PDSS2: variants seen among roughly 807,000 people sequenced by gnomAD.
PDSS2 encodes the protein decaprenyl diphosphate synthase subunit 2, also known as all trans-polyprenyl-diphosphate synthase PDSS2.
In PDSS2, 31 loss-of-function variants were observed where a neutral mutation model predicts 44.5. That is an observed-to-expected ratio of 0.70 (90% confidence interval 0.52 to 0.94). The LOEUF is 0.94. PDSS2 is among the 40% of genes least tolerant of loss of function. The probability of loss-of-function intolerance (pLI) is 0.00; values close to 1 mark genes in which losing one functional copy is unlikely to be tolerated. For missense variants in PDSS2, 452 were observed against 482.2 expected (o/e 0.94, Z 0.59); for synonymous variants, 157 against 180.3 (o/e 0.87, Z 1.03).
intron 1 of PDSS2, among the ~76,000 whole-genome samples, chr6:107,449,162 A>G (rs947993141): frequency 1.3e-5 from 2 of 152,152 alleles, no homozygotes; most frequent in Non-Finnish European, 2.9e-5. Flanking sequence ...CCTATTCCTC[A>G]CATTGTCCCT....
At chr6:107,352,688 A>T (rs552603716) in intron 1 of PDSS2, among the ~76,000 whole-genome samples, 1 of 152,214 alleles carries the variant, frequency 6.6e-6, no homozygotes. Flanking sequence ...GTTCATATAG[A>T]GAAGTGGTTC....
chr6:107,376,829 C>A (rs1348790978), intron 1 of PDSS2, among the ~76,000 whole-genome samples: 8 of 152,172 alleles, frequency 5.3e-5, no homozygotes, highest in Non-Finnish European at 7.3e-5. Flanking sequence ...GCATCCCTGT[C>A]TTCCTATGTA....
At chr6:107,381,726 T>TA (rs1211764353) in intron 1 of PDSS2, among the ~76,000 whole-genome samples, 12 of 152,340 alleles carry the variant, frequency 7.9e-5, no homozygotes, top group Admixed American at 7.2e-4. Context: ...ACATATCCTT[T>TA]AATATATTTC....
At chr6:107,326,110 T>C (rs1307665030) in intron 2 of PDSS2, among the ~76,000 whole-genome samples, 1 of 150,984 alleles carries the variant, frequency 6.6e-6, no homozygotes, top group East Asian at 1.9e-4. Flanking sequence ...TTTTCTTTTT[T>C]TTTTTTTTTT....
intron 2 of PDSS2, among the ~76,000 whole-genome samples, chr6:107,291,488 C>A (rs1377726160): frequency 6.7e-6 from 1 of 150,128 alleles, no homozygotes; most frequent in Non-Finnish European, 1.5e-5. Flanking sequence ...GCTGGGATTA[C>A]AGGTGCGCGC....
chr6:107,164,588 C>A (rs1363116505), intron 7 of PDSS2, among the ~76,000 whole-genome samples: 3 of 152,134 alleles, frequency 2.0e-5, no homozygotes, highest in Non-Finnish European at 4.4e-5. Context: ...TGGGTTGGTT[C>A]CAAGTCTTTG....
intron 3 of PDSS2, among the ~76,000 whole-genome samples, chr6:107,255,761 C>T (rs1333912755): frequency 6.6e-6 from 1 of 152,154 alleles, no homozygotes; most frequent in African/African-American, 2.4e-5. Context: ...TGTAATTACA[C>T]ACAAGGTCTT....
chr6:107,255,966 A>G (rs1775005524), intron 3 of PDSS2, among the ~76,000 whole-genome samples: 1 of 152,098 alleles, frequency 6.6e-6, no homozygotes. Context: ...GCTTGTATCA[A>G]TAATGCTGAT....
intron 1 of PDSS2, among the ~76,000 whole-genome samples, chr6:107,449,721 G>A (rs549935561): frequency 2.0e-4 from 30 of 152,036 alleles, no homozygotes; most frequent in Non-Finnish European, 4.0e-4. Context: ...TTATTTTTAG[G>A]AGCCACCATG....
chr6:107,246,531 CT>C (rs1334326299), intron 3 of PDSS2, among the ~76,000 whole-genome samples: 13 of 152,146 alleles, frequency 8.5e-5, no homozygotes, highest in Admixed American at 8.5e-4. Context: ...CAGCTCCATT[CT>C]GATTGAATTA....
At chr6:107,262,958 TA>T (rs1775292437) in intron 3 of PDSS2, among the ~76,000 whole-genome samples, 1 of 151,692 alleles carries the variant, frequency 6.6e-6, no homozygotes, top group South Asian at 2.1e-4. Context: ...TAAAAATAAT[TA>T]AAAAAATAAA....
intron 6 of PDSS2, among the ~76,000 whole-genome samples, chr6:107,199,289 G>A (rs1001600847): frequency 5.3e-5 from 8 of 152,256 alleles, no homozygotes; most frequent in African/African-American, 1.7e-4. Flanking sequence ...AAAGTATTGT[G>A]ATTGACTGAC....
intron 3 of PDSS2, among the ~76,000 whole-genome samples, chr6:107,269,939 A>G (rs1236147549): frequency 6.6e-6 from 1 of 151,740 alleles, no homozygotes; most frequent in Non-Finnish European, 1.5e-5. Flanking sequence ...AGTGCTGGAA[A>G]TACAGGCGTG....
At chr6:107,269,356 G>T (rs1446178344) in intron 3 of PDSS2, among the ~76,000 whole-genome samples, 5 of 151,548 alleles carry the variant, frequency 3.3e-5, no homozygotes, top group African/African-American at 7.3e-5. Context: ...GTGTGTGTGT[G>T]TGTGTGTGTG....
At chr6:107,312,234 G>C (rs1409919522) in intron 2 of PDSS2, among the ~76,000 whole-genome samples, 1 of 152,048 alleles carries the variant, frequency 6.6e-6, no homozygotes, top group Non-Finnish European at 1.5e-5. Context: ...CCCTTCACTG[G>C]TTTGCCATCC....
intron 1 of PDSS2, among the ~76,000 whole-genome samples, chr6:107,404,411 C>G (rs1182765756): frequency 6.6e-6 from 1 of 152,180 alleles, no homozygotes; most frequent in East Asian, 1.9e-4. Flanking sequence ...TTTACAGCAG[C>G]CCCTCCTTCT....
At chr6:107,188,450 G>T (rs982998201) in intron 7 of PDSS2, among the ~76,000 whole-genome samples, 1 of 152,020 alleles carries the variant, frequency 6.6e-6, no homozygotes, top group Non-Finnish European at 1.5e-5. Context: ...TGGACCTCAG[G>T]ATAAGAATGT....
intron 4 of PDSS2, among the ~76,000 whole-genome samples, chr6:107,214,469 T>G (rs1396249473): frequency 6.6e-6 from 1 of 152,184 alleles, no homozygotes; most frequent in Non-Finnish European, 1.5e-5. Flanking sequence ...ACAATTTAAG[T>G]GCTCAGCATT....
At chr6:107,267,307 G>A (rs1248840677) in intron 3 of PDSS2, among the ~76,000 whole-genome samples, 1 of 152,126 alleles carries the variant, frequency 6.6e-6, no homozygotes, top group East Asian at 1.9e-4. Context: ...GCAGCTCAAG[G>A]TGTCCAGACA....
Sources: gnomAD v4.1 joint callset for allele counts (sites outside exome capture counted in the v4.1 genomes callset) on GRCh38, gnomAD v4.1.1 for gene constraint, MANE v1.5 for transcripts, NCBI Gene and HGNC (gene_info 2026-07-23, HGNC 2026-07-21) for gene names.